Variants in BBS9 observed in about 807,000 individuals in gnomAD.
BBS9 encodes protein PTHB1.
BBS9 carries 89 observed loss-of-function variants against 117.7 expected under a neutral mutation model. The observed-to-expected ratio is 0.76, with a 90% CI of 0.64 to 0.90. The LOEUF (loss-of-function observed/expected upper bound fraction) is 0.90, where lower values mean the gene tolerates loss of function less well. Among genes scored for constraint, BBS9 ranks in the 40% least tolerant of loss-of-function variants. BBS9 has a pLI of 0.00. For missense variants in BBS9, 982 were observed against 1,042.2 expected, an observed-to-expected ratio of 0.94 and a Z score of 0.80; for synonymous variants, 379 against 370.9, an observed-to-expected ratio of 1.02 and a Z score of -0.25.
At chr7:33,480,301 G>A (rs1375193298) in intron 19 of BBS9, among the ~76,000 whole-genome samples, 2 of 152,158 alleles carry the variant, frequency 1.3e-5, no homozygotes. Flanking sequence ...TTTATTTTGT[G>A]CAAGGCTCTA....
intron 20 of BBS9, among the ~76,000 whole-genome samples, chr7:33,506,445 G>A (rs1846162689): frequency 6.6e-6 from 1 of 152,070 alleles, no homozygotes; most frequent in African/African-American, 2.4e-5. Flanking sequence ...ATATTAAAAT[G>A]AACAATTTTT....
rs891031153 is a variant in BBS9 at position 33,605,423 on chromosome 7, T to A, written c.*197T>A. On this transcript the variant is annotated 3_prime_UTR_variant, in exon 23 of 23. Transcript: ENST00000242067. ...CTTGTAACACCATGGGGAAGTCAGCTGAAACTTGTCTTGTTTTGCCAGGAA... is the reference window on the plus strand; with the variant it reads ...CTTGTAACACCATGGGGAAGTCAGCAGAAACTTGTCTTGTTTTGCCAGGAA... 7.9e-6 allele frequency: 5 copies of A among 634,534 alleles called. No homozygotes were observed. Among genetic ancestry groups the A allele is most frequent in the Non-Finnish European group, 1.4e-5 (5 of 353,504 alleles). The allele number at this position is 634,534 out of a possible 1,614,324, so 39.3% of individuals were successfully genotyped here. A position where few individuals can be genotyped will look rare whatever the true frequency, so the allele number is the denominator to read the frequency against.
At chr7:33,205,280 T>C (rs768400381) in intron 5 of BBS9, among the ~76,000 whole-genome samples, 1 of 152,202 alleles carries the variant, frequency 6.6e-6, no homozygotes, top group Non-Finnish European at 1.5e-5. Flanking sequence ...TCCAGTGTTT[T>C]CACAGTGCTT....
chr7:33,415,639 A>G (rs1336823495), intron 19 of BBS9, among the ~76,000 whole-genome samples: 3 of 152,164 alleles, frequency 2.0e-5, no homozygotes, highest in Non-Finnish European at 2.9e-5. Flanking sequence ...AGGGGCTTTG[A>G]GGCTGCTAAG....
intron 17 of BBS9, chr7:33,380,241 A>G: frequency 5.5e-6 from 1 of 180,758 alleles, no homozygotes; most frequent in South Asian, 1.6e-4. Flanking sequence ...CATCATGTCC[A>G]CACCAGCCTC....
rs376384286 is a variant in BBS9 at position 33,193,250 on chromosome 7, G to T, written c.442+15659G>T. On this transcript the variant is annotated intron_variant, in intron 5 of 22. Coordinates refer to ENST00000242067, the MANE Select transcript of BBS9 (RefSeq NM_198428.3). ...TTGGGTTCTTTTTTTTGTTGTTTTAGTTATTTAGCCTCCCATATCACTTTG... is the reference window on the plus strand; with the variant it reads ...TTGGGTTCTTTTTTTTGTTGTTTTATTTATTTAGCCTCCCATATCACTTTG... Among the ~76,000 whole-genome samples, 6 of 151,884 alleles carry T rather than the reference G, an allele frequency of 4.0e-5. No individual in the cohort carries two copies. The East Asian group carries it at 1.2e-3, about 29-fold the overall frequency.
intron 19 of BBS9, among the ~76,000 whole-genome samples, chr7:33,425,983 G>C (rs1833601684): frequency 6.6e-6 from 1 of 152,162 alleles, no homozygotes; most frequent in Non-Finnish European, 1.5e-5. Context: ...CAAAAGGAAG[G>C]CTGACTTTAG....
At chr7:33,500,648 C>T (rs541806395) in intron 19 of BBS9, among the ~76,000 whole-genome samples, 23 of 152,292 alleles carry the variant, frequency 1.5e-4, no homozygotes, top group African/African-American at 5.1e-4. Flanking sequence ...AGTGTTTAGG[C>T]AGTGGTAGTG....
In BBS9 at chr7:33,534,009, C is replaced by T. The variant is rs770586723; in HGVS notation, c.2354C>T (p.Ser785Leu). 28 of 1,614,172 alleles carry T rather than the reference C, an allele frequency of 1.7e-5. No individual in the cohort carries two copies. Among genetic ancestry groups the T allele is most frequent in the East Asian group, 1.6e-4 (7 of 44,884 alleles). Residue 785 changes from serine to leucine, a missense_variant, in exon 21 of 23, where the codon TCG becomes TTG. Coordinates refer to ENST00000242067, the MANE Select transcript of BBS9 (RefSeq NM_198428.3). ...TCCCACCTGTTGAAGACTTGCCTGT[C>T]GAAGAGTTCTAAGGAGCAGGCTTTG... ...AISHLLKTCLSKSSKEQALNL... is the reference protein window; with the variant it reads ...AISHLLKTCLLKSSKEQALNL...
intron 21 of BBS9, among the ~76,000 whole-genome samples, chr7:33,627,119 C>T (rs1011967893): frequency 6.6e-6 from 1 of 152,330 alleles, no homozygotes. Context: ...GGGCTGGGGC[C>T]AGTTTTCCAC....
chr7:33,306,571 C>A (rs185465827), intron 9 of BBS9, among the ~76,000 whole-genome samples: 1 of 151,910 alleles, frequency 6.6e-6, no homozygotes, highest in South Asian at 2.1e-4. Flanking sequence ...GTATTAAATC[C>A]GGTAAGCCAG....
At chr7:33,626,573 A>G (rs1865646930) in intron 21 of BBS9, among the ~76,000 whole-genome samples, 1 of 152,232 alleles carries the variant, frequency 6.6e-6, no homozygotes, top group South Asian at 2.1e-4. Context: ...CATGAACAAT[A>G]AAGTCCAGGC....
rs190129464 is a variant in BBS9 at position 33,165,280 on chromosome 7, C to T, written c.328+9578C>T. 3.9e-3 allele frequency among the ~76,000 whole-genome samples: 599 copies of T among 152,238 alleles called. 4 individuals carry two copies. Among genetic ancestry groups the T allele is most frequent in the African/African-American group, 0.014 (575 of 41,536 alleles). On this transcript the variant is annotated intron_variant, in intron 4 of 22. Coordinates refer to ENST00000242067, the MANE Select transcript of BBS9 (RefSeq NM_198428.3). The stretch of plus-strand genomic sequence containing the variant: ...CTTAACATTTTTTCCTTCATTTCAA[C>T]CTTGGTGAATCTGACAATTATGTGT...
chr7:33,271,883 C>T (rs1309538281), intron 7 of BBS9, among the ~76,000 whole-genome samples: 1 of 152,134 alleles, frequency 6.6e-6, no homozygotes, highest in Non-Finnish European at 1.5e-5. Context: ...CAAAACTCTC[C>T]ATCCCAAAAC....
At chr7:33,308,040 G>A (rs142655730) in intron 9 of BBS9, among the ~76,000 whole-genome samples, 230 of 152,304 alleles carry the variant, frequency 1.5e-3, no homozygotes, top group African/African-American at 5.2e-3. Context: ...TGGTGTGTAT[G>A]TGTATAGTGG....
chr7:33,510,298 G>A (rs1846748777), intron 20 of BBS9, among the ~76,000 whole-genome samples: 1 of 151,772 alleles, frequency 6.6e-6, no homozygotes, highest in Admixed American at 6.6e-5. Context: ...AACATGTCTC[G>A]ATTGACCCTC....
intron 9 of BBS9, among the ~76,000 whole-genome samples, chr7:33,303,532 C>CCCCCCCCCCCG (rs1318034573): frequency 7.7e-6 from 1 of 129,974 alleles, no homozygotes; most frequent in African/African-American, 3.0e-5. Context: ...TCCCCCCGCC[C>CCCCCCCCCCCG]CTTCTTTCTT....
At chr7:33,463,382 G>A (rs186323786) in intron 19 of BBS9, among the ~76,000 whole-genome samples, 3 of 152,054 alleles carry the variant, frequency 2.0e-5, no homozygotes, top group Admixed American at 6.6e-5. Flanking sequence ...ATCTTGCTCT[G>A]TAGATCCAGT....
At chr7:33,419,803 G>A (rs1455193145) in intron 19 of BBS9, among the ~76,000 whole-genome samples, 2 of 152,050 alleles carry the variant, frequency 1.3e-5, no homozygotes. Flanking sequence ...TTAATTCTTA[G>A]CAGTAGAGAC....
Sources: allele counts gnomAD v4.1 joint callset (sites outside exome capture counted in the v4.1 genomes callset), GRCh38; gene constraint gnomAD v4.1.1; transcripts MANE v1.5; gene names NCBI Gene and HGNC (gene_info 2026-07-23, HGNC 2026-07-21).